The following FRMD4A variants were observed in gnomAD, a reference collection of about 807,000 sequenced individuals.
FRMD4A encodes the protein FERM domain containing 4A.
Under a neutral mutation model 129.1 loss-of-function variants are expected in FRMD4A, and 29 were observed. The ratio of observed to expected loss-of-function variants is 0.22; its 90% CI spans 0.17 to 0.31. The LOEUF (loss-of-function observed/expected upper bound fraction) is 0.31. Ranked by LOEUF, FRMD4A falls within the 10% of genes least tolerant of loss-of-function variation. The pLI is 1.00. For synonymous variants in FRMD4A, 634 were observed against 571.6 expected, an observed-to-expected ratio of 1.11 and a Z score of -1.56; for missense variants, 1,272 against 1,375.8, an observed-to-expected ratio of 0.92 and a Z score of 1.19.
At chr10:14,320,825 A>G (rs923601041) in intron 2 of FRMD4A, among the ~76,000 whole-genome samples, 1 of 152,224 alleles carries the variant, frequency 6.6e-6, no homozygotes, top group Non-Finnish European at 1.5e-5. Context: ...ATGAAGCTGG[A>G]GTCTGCTGAA....
chr10:14,089,618 C>CAAAAAAAAAAAAAAAAA (rs369054869), intron 2 of FRMD4A, among the ~76,000 whole-genome samples: 2 of 79,598 alleles, frequency 2.5e-5, no homozygotes, highest in African/African-American at 1.9e-4. Flanking sequence ...CCTTTTCAAG[C>CAAAAAAAAAAAAAAAAA]AAAAAAAAAA....
At chr10:13,975,263 G>C (rs1436083953) in intron 2 of FRMD4A, among the ~76,000 whole-genome samples, 1 of 151,642 alleles carries the variant, frequency 6.6e-6, no homozygotes, top group East Asian at 1.9e-4. Flanking sequence ...CTCTATGTAT[G>C]TGTCTGTGTC....
intron 2 of FRMD4A, among the ~76,000 whole-genome samples, chr10:14,108,435 GA>G (rs1463667875): frequency 2.0e-5 from 3 of 152,314 alleles, no homozygotes; most frequent in Admixed American, 2.0e-4. Flanking sequence ...GTAGTATTAT[GA>G]GGACTGAGGT....
chr10:13,952,746 T>C (rs1484945243), intron 2 of FRMD4A, among the ~76,000 whole-genome samples: 2 of 152,156 alleles, frequency 1.3e-5, no homozygotes, highest in African/African-American at 4.8e-5. Context: ...CAGGCTGGAG[T>C]GCAGTAGCAT....
intron 2 of FRMD4A, among the ~76,000 whole-genome samples, chr10:14,265,250 T>C (rs1393083784): frequency 6.6e-6 from 1 of 152,240 alleles, no homozygotes; most frequent in Non-Finnish European, 1.5e-5. Flanking sequence ...TTTAGGATGT[T>C]AATTTTCATT....
chr10:13,680,236 C>G (rs1401405680), intron 15 of FRMD4A, among the ~76,000 whole-genome samples: 6 of 152,038 alleles, frequency 3.9e-5, no homozygotes, highest in African/African-American at 1.4e-4. Flanking sequence ...GAGGGAGCAT[C>G]CCTTGAAGCC....
Position 13,674,919 on chromosome 10 carries a change from G to C in FRMD4A, c.1243C>G (p.Arg415Gly). 1 of 1,614,092 alleles carries C rather than the reference G, an allele frequency of 6.2e-7. No homozygotes were observed. Among genetic ancestry groups the C allele is most frequent in the Non-Finnish European group, 8.5e-7 (1 of 1,179,974 alleles). Residue 415 changes from arginine to glycine, a missense_variant, in exon 16 of 25, where the codon CGA becomes GGA. Arg to Gly is a moderately radical substitution (Grantham distance 125). Around this residue, in one of 2 missense-constraint regions of FRMD4A, gnomAD observed 972 missense variants for 892.3 expected, o/e 1.09. Coordinates refer to ENST00000357447, the MANE Select transcript of FRMD4A (RefSeq NM_018027.5). Reference protein sequence around the residue: ...RLEELKKLCLREAELTGKLPV... With the variant: ...RLEELKKLCLGEAELTGKLPV... ...AGCTAGGAAAGGCTTACAGCTTCTC[G>C]GAGACACAGCTTCTTCAGTTCCTCC...
In FRMD4A at chr10:13,856,540, G is replaced by A. The variant is rs558544989; in HGVS notation, c.111+2307C>T. ...GAAAGAAACGCAGTACAGACTAGGC[G>A]GAGGGGGTCAGGGAAAGCCTTGGTG... On this transcript the variant is annotated intron_variant, in intron 3 of 24. Coordinates refer to ENST00000357447, the MANE Select transcript of FRMD4A (RefSeq NM_018027.5). Among the ~76,000 whole-genome samples the A allele has an allele frequency of 5.3e-5, 8 of 152,180 alleles. No homozygotes were observed. The East Asian group carries it at 1.2e-3, about 22-fold the overall frequency.
At chr10:14,127,966 CTT>C (rs60266302) in intron 2 of FRMD4A, among the ~76,000 whole-genome samples, 4,187 of 55,140 alleles carry the variant, frequency 0.076, 293 homozygotes, top group East Asian at 0.082. Flanking sequence ...TTCTTTCTTT[CTT>C]TCTTTCTTTC....
chr10:14,116,878 T>A (rs972578977), intron 2 of FRMD4A, among the ~76,000 whole-genome samples: 4 of 152,226 alleles, frequency 2.6e-5, no homozygotes, highest in Non-Finnish European at 5.9e-5. Flanking sequence ...TTATGTTACA[T>A]CTGTCTTGGT....
In FRMD4A at chr10:14,084,755, C is replaced by T. The variant is rs546212055; in HGVS notation, c.46-225843G>A. Among the ~76,000 whole-genome samples the T allele has an allele frequency of 3.3e-5, 5 of 152,298 alleles. No individual in the cohort carries two copies. In the East Asian group the frequency reaches 9.7e-4, roughly 29 times the overall value. ...CTAGGACCCCCCATATAACCCAGAG[C>T]CCACGGGACATATTTGAACTCGTTT... On this transcript the variant is annotated intron_variant, in intron 2 of 24. Transcript: ENST00000357447.
intron 2 of FRMD4A, among the ~76,000 whole-genome samples, chr10:14,239,840 T>G (rs901594792): frequency 6.6e-6 from 1 of 152,302 alleles, no homozygotes; most frequent in East Asian, 1.9e-4. Flanking sequence ...GCTGAAAGCA[T>G]GGTGTGATTT....
At chr10:13,945,165 T>C (rs770850667) in intron 2 of FRMD4A, among the ~76,000 whole-genome samples, 11 of 152,034 alleles carry the variant, frequency 7.2e-5, no homozygotes, top group Non-Finnish European at 1.0e-4. Context: ...AGAAGTTGAG[T>C]GAATGAACAG....
intron 2 of FRMD4A, among the ~76,000 whole-genome samples, chr10:14,252,670 G>C (rs1844479747): frequency 6.6e-6 from 1 of 152,188 alleles, no homozygotes; most frequent in Non-Finnish European, 1.5e-5. Context: ...TGTTAACTTT[G>C]ATCATTGGTT....
At chr10:14,140,457 C>T (rs981786720) in intron 2 of FRMD4A, among the ~76,000 whole-genome samples, 2 of 152,204 alleles carry the variant, frequency 1.3e-5, no homozygotes, top group Non-Finnish European at 2.9e-5. Context: ...CACTTCCAAC[C>T]CGTTGAGATG....
chr10:14,160,691 A>G (rs1180227603), intron 2 of FRMD4A, among the ~76,000 whole-genome samples: 9 of 152,214 alleles, frequency 5.9e-5, no homozygotes, highest in Admixed American at 5.9e-4. Flanking sequence ...ATATGAAAAA[A>G]TGCTCAACAT....
intron 2 of FRMD4A, among the ~76,000 whole-genome samples, chr10:13,995,788 T>C (rs947829879): frequency 6.6e-6 from 1 of 151,604 alleles, no homozygotes; most frequent in Non-Finnish European, 1.5e-5. Flanking sequence ...TGATTTCAAA[T>C]CGACAAGTGC....
chr10:13,674,451 G>C (rs570862502), intron 16 of FRMD4A, among the ~76,000 whole-genome samples: 2 of 152,098 alleles, frequency 1.3e-5, no homozygotes, highest in Non-Finnish European at 2.9e-5. Context: ...AACTTTAACT[G>C]GTCATCACAG....
At chr10:13,726,558 G>T (rs2089909287) in intron 12 of FRMD4A, among the ~76,000 whole-genome samples, 1 of 152,304 alleles carries the variant, frequency 6.6e-6, no homozygotes, top group African/African-American at 2.4e-5. Flanking sequence ...CACCTTCAAG[G>T]CTTGTGGAAT....
Sources: allele counts gnomAD v4.1 joint callset (sites outside exome capture counted in the v4.1 genomes callset), GRCh38; gene constraint gnomAD v4.1.1; regional missense constraint gnomAD v4.1.1; transcripts MANE v1.5; gene names NCBI Gene and HGNC (gene_info 2026-07-23, HGNC 2026-07-21).